The following NFIA variants were observed in gnomAD, a reference collection of about 807,000 sequenced individuals.
NFIA encodes the protein nuclear factor 1 A-type.
A neutral mutation model predicts 62.8 loss-of-function variants in NFIA; 8 were observed. The observed-to-expected ratio is 0.13, with a 90% confidence interval of 0.07 to 0.23. The LOEUF is 0.23. Ranked by LOEUF, NFIA falls within the 10% of genes least tolerant of loss-of-function variation. The pLI, the probability that NFIA is intolerant of heterozygous loss-of-function variation, is 1.00. For synonymous variants in NFIA, 235 were observed against 238.1 expected, an observed-to-expected ratio of 0.99 and a Z score of 0.12; for missense variants, 410 against 642.1, an observed-to-expected ratio of 0.64 and a Z score of 3.91.
chr1:61,277,643 C>T lies in NFIA; in HGVS notation c.625+58C>T, dbSNP rs190745701. 3.2e-5 allele frequency: 50 copies of T among 1,574,804 alleles called. No homozygotes were observed. The African/African-American group carries it at 5.5e-4, about 17-fold the overall frequency. On this transcript the variant is annotated intron_variant, in intron 3 of 10. Coordinates refer to ENST00000403491, the MANE Select transcript of NFIA (RefSeq NM_001134673.4). ...TCAGAGTCCACAGCAGCCAGCAGGC[C>T]GACTAAGTGTGAGGATTTGGGGGCC...
intron 10 of NFIA, among the ~76,000 whole-genome samples, chr1:61,432,389 C>T (rs991784006): frequency 5.3e-5 from 8 of 151,978 alleles, no homozygotes; most frequent in Non-Finnish European, 1.0e-4. Context: ...AACACCTCCT[C>T]CTGGTGGTAC....
chr1:61,082,419 G>C (rs1422902700), upstream of NFIA: 5 of 983,844 alleles, frequency 5.1e-6, no homozygotes, highest in Admixed American at 1.2e-4. Context: ...GTGCGGTGCG[G>C]TGCAGAGCGG....
At position 61,406,543 on chromosome 1, in the gene NFIA, G is replaced by GGGCCCCCCCC; in HGVS notation, c.1255-19_1255-18insGGCCCCCCCC. ...TCTTTTTCTTGTACGTGTGTTTTCT[G>GGGCCCCCCCC]CCCCCCCCCCCCCCACAGCCCAATG... On this transcript the variant is annotated intron_variant, in intron 8 of 10. Transcript: ENST00000403491. 5 of 876,650 alleles carry GGGCCCCCCCC rather than the reference G, an allele frequency of 5.7e-6. No homozygotes were observed. The highest frequency in any genetic ancestry group is 7.6e-6 in the Non-Finnish European group (5 of 653,740). 54.3% of individuals were successfully genotyped at this position (876,650 alleles called of 1,614,324 possible). A position where few individuals can be genotyped will look rare whatever the true frequency, so the allele number is the denominator to read the frequency against.
intron 2 of NFIA, among the ~76,000 whole-genome samples, chr1:61,139,603 T>C (rs1647346127): frequency 6.6e-6 from 1 of 152,168 alleles, no homozygotes; most frequent in African/African-American, 2.4e-5. Context: ...TTTCATAATA[T>C]TCTCTCTTGT....
chr1:61,191,206 C>A (rs948667556), intron 2 of NFIA, among the ~76,000 whole-genome samples: 4 of 151,796 alleles, frequency 2.6e-5, no homozygotes, highest in African/African-American at 9.7e-5. Context: ...TTTTTTTCCC[C>A]CTTGAGCATT....
chr1:61,101,023 T>C (rs995476343), intron 2 of NFIA, among the ~76,000 whole-genome samples: 6 of 152,152 alleles, frequency 3.9e-5, no homozygotes, highest in African/African-American at 1.4e-4. Context: ...ATTTTTTGTT[T>C]TCTTATATCA....
At chr1:61,435,040 G>A (rs962434988) in intron 10 of NFIA, among the ~76,000 whole-genome samples, 10 of 152,276 alleles carry the variant, frequency 6.6e-5, no homozygotes, top group Admixed American at 1.3e-4. Context: ...GAAAACCATA[G>A]TGCCAAGTGC....
At chr1:61,419,435 C>T (rs1246465580) in intron 9 of NFIA, among the ~76,000 whole-genome samples, 1 of 152,162 alleles carries the variant, frequency 6.6e-6, no homozygotes, top group Non-Finnish European at 1.5e-5. Context: ...AAGACCCTGT[C>T]TCTAAAACAA....
At position 61,305,972 on chromosome 1, in the gene NFIA, C is replaced by G. The variant is rs548829875; in HGVS notation, c.626-26540C>G. On this transcript the variant is annotated intron_variant, in intron 3 of 10. Coordinates refer to ENST00000403491, the MANE Select transcript of NFIA (RefSeq NM_001134673.4). ...ACACCATTCTCCTGCATCAGCCTCC[C>G]GAGTAGCTGGGACTACAGGCACACA... Among the ~76,000 whole-genome samples, 5 of 151,878 alleles carry G rather than the reference C, an allele frequency of 3.3e-5. No individual in the cohort carries two copies. In the South Asian group the frequency reaches 8.4e-4, roughly 25 times the overall value.
chr1:61,089,631 A>T (rs1346259718), intron 2 of NFIA, among the ~76,000 whole-genome samples: 2 of 151,712 alleles, frequency 1.3e-5, no homozygotes, highest in Non-Finnish European at 2.9e-5. Flanking sequence ...CAGATGGAAG[A>T]AAGAGGGTTG....
At chr1:61,245,786 A>C (rs1468788326) in intron 2 of NFIA, among the ~76,000 whole-genome samples, 1 of 152,224 alleles carries the variant, frequency 6.6e-6, no homozygotes, top group Non-Finnish European at 1.5e-5. Flanking sequence ...ATAAGAAAAT[A>C]GAAACAGTTA....
chr1:61,351,573 A>G (rs752186216), intron 4 of NFIA, among the ~76,000 whole-genome samples: 7 of 152,196 alleles, frequency 4.6e-5, no homozygotes, highest in Admixed American at 1.3e-4. Context: ...GAGTTGTTTT[A>G]TAGAATTGGT....
At chr1:61,437,471 C>T (rs370593303) in intron 10 of NFIA, among the ~76,000 whole-genome samples, 2 of 152,048 alleles carry the variant, frequency 1.3e-5, no homozygotes, top group African/African-American at 2.4e-5. Context: ...CTCTCCCACC[C>T]GCCAGCTGCA....
intron 2 of NFIA, among the ~76,000 whole-genome samples, chr1:61,265,652 G>A (rs1158901489): frequency 6.6e-6 from 1 of 152,166 alleles, no homozygotes; most frequent in African/African-American, 2.4e-5. Context: ...ATAATATAAC[G>A]TAGAGAAGGT....
intron 2 of NFIA, among the ~76,000 whole-genome samples, chr1:61,190,729 A>G (rs1030405391): frequency 2.0e-5 from 3 of 152,250 alleles, no homozygotes; most frequent in African/African-American, 7.2e-5. Context: ...GGGTCCAGGA[A>G]TATGAGTTGA....
intron 2 of NFIA, among the ~76,000 whole-genome samples, chr1:61,145,791 G>T (rs964293505): frequency 2.8e-4 from 43 of 152,042 alleles, no homozygotes; most frequent in African/African-American, 1.0e-3. Flanking sequence ...TATTGGTGAG[G>T]TTTAACTCTT....
chr1:61,261,788 A>G (rs1193510336), intron 2 of NFIA, among the ~76,000 whole-genome samples: 1 of 152,190 alleles, frequency 6.6e-6, no homozygotes, highest in East Asian at 1.9e-4. Flanking sequence ...TTACAACAAA[A>G]CTAATTAGTG....
chr1:61,442,938 T>G (rs974283077), intron 10 of NFIA, among the ~76,000 whole-genome samples: 2 of 152,178 alleles, frequency 1.3e-5, no homozygotes. Context: ...TGGATTCCGC[T>G]TTCATTCATG....
intron 2 of NFIA, among the ~76,000 whole-genome samples, chr1:61,102,522 TG>T (rs1315681073): frequency 6.6e-6 from 1 of 152,230 alleles, no homozygotes; most frequent in East Asian, 1.9e-4. Context: ...TCTTATTTTT[TG>T]GTAATCTTGA....
Sources: gnomAD v4.1 joint callset for allele counts (sites outside exome capture counted in the v4.1 genomes callset) on GRCh38, gnomAD v4.1.1 for gene constraint, MANE v1.5 for transcripts, NCBI Gene and HGNC (gene_info 2026-07-23, HGNC 2026-07-21) for gene names.